Variants in PLEKHH2 observed in about 807,000 individuals in gnomAD.
PLEKHH2 encodes the protein pleckstrin homology, MyTH4 and FERM domain containing H2, also known as pleckstrin homology domain-containing family H member 2.
A neutral mutation model predicts 187.9 loss-of-function variants in PLEKHH2; 129 were observed. That is an observed-to-expected ratio of 0.69 (90% CI 0.59 to 0.79). The LOEUF (loss-of-function observed/expected upper bound fraction) is 0.79. PLEKHH2 is among the 30% of genes least tolerant of loss of function. The pLI is 0.00. For synonymous variants in PLEKHH2, 686 were observed against 605.6 expected, an observed-to-expected ratio of 1.13 and a Z score of -1.95; for missense variants, 2,076 against 1,751.2, an observed-to-expected ratio of 1.19 and a Z score of -3.31.
chr2:43,657,936 TACACTTTAAATTATAAC>T (rs996507413), intron 2 of PLEKHH2, among the ~76,000 whole-genome samples: 9 of 152,322 alleles, frequency 5.9e-5, no homozygotes, highest in Admixed American at 5.9e-4. Context: ...CAATTGTGCC[TACACTTTAAATTATAAC>T]ACACATACAT....
Position 43,644,805 on chromosome 2 carries a change from T to G in PLEKHH2, c.123+9T>G. On this transcript the variant is annotated intron_variant, in intron 2 of 29. Transcript: ENST00000282406. ...AGCTTTTAGCAGAGAAGGTAAGCTT[T>G]CTCCCTAAGCTTTGTTATTAAATGT... The G allele has an allele frequency of 6.2e-7, 1 of 1,600,986 alleles. No homozygotes were observed. The highest frequency in any genetic ancestry group is 8.5e-7 in the Non-Finnish European group (1 of 1,173,546).
intron 27 of PLEKHH2, among the ~76,000 whole-genome samples, chr2:43,759,701 C>G (rs1672351697): frequency 6.6e-6 from 1 of 152,220 alleles, no homozygotes; most frequent in Non-Finnish European, 1.5e-5. Flanking sequence ...TTTATACTCA[C>G]TATTAAATTG....
At chr2:43,703,259 TG>T (rs1669478013) in intron 8 of PLEKHH2, among the ~76,000 whole-genome samples, 1 of 152,242 alleles carries the variant, frequency 6.6e-6, no homozygotes, top group Non-Finnish European at 1.5e-5. Context: ...GAACCACCTG[TG>T]GTCCCTTTTC....
intron 18 of PLEKHH2, 127 bp from the exon 19 acceptor site, chr2:43,731,363 T>A (rs879085528): frequency 1.6e-6 from 1 of 630,810 alleles, no homozygotes; most frequent in African/African-American, 1.9e-5. Flanking sequence ...AAGAGTTTTT[T>A]TCTGACCTTT....
At chr2:43,718,033 T>A (rs921054779) in intron 15 of PLEKHH2, among the ~76,000 whole-genome samples, 1 of 152,176 alleles carries the variant, frequency 6.6e-6, no homozygotes, top group Admixed American at 6.5e-5. Context: ...GGCTTATGGT[T>A]TGTGCAGTGG....
chr2:43,754,784 T>G (rs1240380928), intron 25 of PLEKHH2, among the ~76,000 whole-genome samples: 1 of 152,170 alleles, frequency 6.6e-6, no homozygotes, highest in Non-Finnish European at 1.5e-5. Context: ...CAATCATTCT[T>G]TTTATTCTAT....
At chr2:43,687,804 A>AT (rs1307118494) in intron 3 of PLEKHH2, among the ~76,000 whole-genome samples, 7 of 150,018 alleles carry the variant, frequency 4.7e-5, no homozygotes, top group African/African-American at 9.8e-5. Context: ...TTATTTAATT[A>AT]TTTTTTTTTC....
intron 15 of PLEKHH2, 94 bp from the exon 16 acceptor site, chr2:43,720,575 G>A (rs1670433508): frequency 6.4e-7 from 1 of 1,552,238 alleles, no homozygotes; most frequent in Non-Finnish European, 8.7e-7. Context: ...GGGCAAACTG[G>A]ATGCCTATAG....
Position 43,675,811 on chromosome 2 carries a change from A to G in PLEKHH2, c.124-3052A>G, listed in dbSNP as rs1006929892. 6.2e-6 allele frequency: 10 copies of G among 1,613,778 alleles called. No homozygotes were observed. In the East Asian group the frequency reaches 1.3e-4, roughly 22 times the overall value. On this transcript the variant is annotated intron_variant, in intron 2 of 29. Transcript: ENST00000282406. ...CACGTATTCGAGGTCTCCAAATATA[A>G]CAGTGTGGCCCAGATAGAAGGGCTG...
chr2:43,659,053 G>A (rs1666934548), intron 2 of PLEKHH2, among the ~76,000 whole-genome samples: 1 of 146,094 alleles, frequency 6.8e-6, no homozygotes, highest in African/African-American at 2.6e-5. Flanking sequence ...TCTCACTGCA[G>A]CCTTGACCTC....
chr2:43,739,436 G>A (rs968965102), intron 20 of PLEKHH2, among the ~76,000 whole-genome samples: 2 of 152,144 alleles, frequency 1.3e-5, no homozygotes, highest in Non-Finnish European at 2.9e-5. Context: ...CTGCCTGTTA[G>A]CCACAGGATA....
intron 2 of PLEKHH2, among the ~76,000 whole-genome samples, chr2:43,656,650 C>G (rs1428835555): frequency 6.6e-6 from 1 of 152,210 alleles, no homozygotes; most frequent in African/African-American, 2.4e-5. Context: ...TTGATTTAGC[C>G]ATTCCACGAT....
At chr2:43,752,903 G>A (rs988168646) in intron 24 of PLEKHH2, among the ~76,000 whole-genome samples, 1 of 152,140 alleles carries the variant, frequency 6.6e-6, no homozygotes, top group Non-Finnish European at 1.5e-5. Context: ...AGCCCCTAAA[G>A]CTGCTTATCA....
intron 2 of PLEKHH2, among the ~76,000 whole-genome samples, chr2:43,647,864 C>G (rs1238490713): frequency 1.3e-5 from 2 of 152,150 alleles, no homozygotes; most frequent in Non-Finnish European, 2.9e-5. Flanking sequence ...TGCAACAGTT[C>G]TAGTTCTTAG....
rs1672320539 is a variant in PLEKHH2, at chr2:43,758,889, T to C, written c.3942-11T>C. On this transcript the variant is annotated splice_polypyrimidine_tract_variant and intron_variant, in intron 26 of 29. Coordinates refer to ENST00000282406, the MANE Select transcript of PLEKHH2 (RefSeq NM_172069.4). The stretch of plus-strand genomic sequence containing the variant: ...TAGTGTTTTTGTTTTTGTTCTTTTC[T>C]TTTTTTTTAGGCAGCTTTGCCAGCG... 2 of 1,515,632 alleles carry C rather than the reference T, an allele frequency of 1.3e-6. No homozygotes were observed. Among genetic ancestry groups the C allele is most frequent in the African/African-American group, 2.8e-5 (2 of 71,250 alleles). The allele number at this position is 1,515,632 out of a possible 1,614,324, so 93.9% of individuals were successfully genotyped here.
chr2:43,701,476 G>A (rs1339585566), intron 8 of PLEKHH2, among the ~76,000 whole-genome samples: 1 of 152,154 alleles, frequency 6.6e-6, no homozygotes, highest in Non-Finnish European at 1.5e-5. Context: ...TGGGAAAGAA[G>A]GGTTCCCCCT....
chr2:43,726,193 A>G, intron 16 of PLEKHH2, 79 bp from the exon 17 acceptor site: 1 of 974,150 alleles, frequency 1.0e-6, no homozygotes, highest in Non-Finnish European at 1.5e-6. Context: ...TAAATTTAAA[A>G]ATGAAAAGGA....
intron 13 of PLEKHH2, 38 bp from the exon 14 acceptor site, chr2:43,710,451 A>G: frequency 6.3e-7 from 1 of 1,587,304 alleles, no homozygotes; most frequent in South Asian, 1.2e-5. Flanking sequence ...TTACTGTTAA[A>G]GTTAATCACT....
rs1672244940 is a variant in PLEKHH2 at position 43,757,188 on chromosome 2, A to G, written c.3865A>G (p.Asn1289Asp). ...AGHVTNQCKV[N>D]QTLKQVIEKF... ...GCATGTTACCAATCAGTGCAAAGTG[A>G]ATCAAACTCTAAAGCAAGTCATAGA... Residue 1289 changes from asparagine (N) to aspartate (D), a missense_variant, in exon 26 of 30, where the codon AAT becomes GAT. Physicochemically the swap from Asn to Asp is conservative, Grantham distance 23 (BLOSUM62 1). Coordinates refer to ENST00000282406, the MANE Select transcript of PLEKHH2 (RefSeq NM_172069.4). The G allele has an allele frequency of 1.2e-6, 2 of 1,605,414 alleles. No individual in the cohort carries two copies.
Sources: allele counts gnomAD v4.1 joint callset (sites outside exome capture counted in the v4.1 genomes callset), GRCh38; gene constraint gnomAD v4.1.1; transcripts MANE v1.5; gene names NCBI Gene and HGNC (gene_info 2026-07-23, HGNC 2026-07-21).